HS6ST3: variants seen among roughly 807,000 people sequenced by gnomAD.
HS6ST3 encodes heparan sulfate 6-O-sulfotransferase 3.
Under a neutral mutation model 36.7 loss-of-function variants are expected in HS6ST3, and 12 were observed. The ratio of observed to expected loss-of-function variants is 0.33; its 90% confidence interval spans 0.21 to 0.53. The LOEUF (loss-of-function observed/expected upper bound fraction) is 0.53. Ranked by LOEUF, HS6ST3 falls within the 20% of genes least tolerant of loss-of-function variation. The pLI is 0.95. For synonymous variants in HS6ST3, 240 were observed against 257.5 expected (o/e 0.93, Z 0.65); for missense variants, 584 against 640.9 (o/e 0.91, Z 0.96).
In HS6ST3 at chr13:96,254,448, AATATATATATAT is replaced by A. The variant is rs869064004; in HGVS notation, c.707+162919_707+162930del. Among the ~76,000 whole-genome samples, 81 of 16,512 alleles carry A rather than the reference AATATATATATAT, an allele frequency of 4.9e-3. 2 individuals are homozygous for A. The highest frequency in any genetic ancestry group is 0.012 in the African/African-American group (56 of 4,610). The allele number at this position is 16,512 out of a possible 152,430, so 10.8% of individuals were successfully genotyped here. ...AAAAAAAAAAAAAAAAAAAAAAAAA[AATATATATATAT>A]ATATATATATATATATATATATATA... On this transcript the variant is annotated intron_variant, in intron 1 of 1. Coordinates refer to ENST00000376705, the MANE Select transcript of HS6ST3 (RefSeq NM_153456.4).
intron 1 of HS6ST3, among the ~76,000 whole-genome samples, chr13:96,779,780 A>AC (rs1232206329): frequency 2.6e-5 from 4 of 151,740 alleles, no homozygotes; most frequent in Non-Finnish European, 5.9e-5. Flanking sequence ...AAAAAAAAAA[A>AC]AAAAAACATT....
intron 1 of HS6ST3, among the ~76,000 whole-genome samples, chr13:96,514,501 G>A (rs943807685): frequency 1.3e-5 from 2 of 152,148 alleles, no homozygotes; most frequent in Admixed American, 1.3e-4. Context: ...CTTTTAGGAC[G>A]TAATTAAGGT....
At chr13:96,139,548 A>C (rs1418095260) in intron 1 of HS6ST3, among the ~76,000 whole-genome samples, 5 of 149,250 alleles carry the variant, frequency 3.4e-5, no homozygotes, top group African/African-American at 1.2e-4. Context: ...TCAGAAAAAA[A>C]AAAAAAAAAA....
chr13:96,484,126 G>A (rs180943984), intron 1 of HS6ST3, among the ~76,000 whole-genome samples: 121 of 129,502 alleles, frequency 9.3e-4, no homozygotes, highest in Non-Finnish European at 1.6e-3. Flanking sequence ...CAGTACTACA[G>A]TCTTGATTAC....
At chr13:96,456,101 T>G (rs549107839) in intron 1 of HS6ST3, among the ~76,000 whole-genome samples, 1 of 152,318 alleles carries the variant, frequency 6.6e-6, no homozygotes, top group East Asian at 1.9e-4. Flanking sequence ...ACTCAGCTCT[T>G]CCAGGTAAAC....
chr13:96,698,721 A>G (rs1182682525), intron 1 of HS6ST3, among the ~76,000 whole-genome samples: 3 of 152,198 alleles, frequency 2.0e-5, no homozygotes, highest in Non-Finnish European at 4.4e-5. Context: ...CCATCAAGCT[A>G]CCAACAACTT....
intron 1 of HS6ST3, among the ~76,000 whole-genome samples, chr13:96,654,366 A>G (rs1430010914): frequency 6.6e-6 from 1 of 152,168 alleles, no homozygotes; most frequent in African/African-American, 2.4e-5. Flanking sequence ...TCTTTAATCC[A>G]TCTTGAGTTA....
At position 96,275,932 on chromosome 13, in the gene HS6ST3, C is replaced by A. The variant is rs2054746302; in HGVS notation, c.707+184363C>A. Among the ~76,000 whole-genome samples the A allele has an allele frequency of 2.0e-5, 3 of 151,092 alleles. 1 individual carries two copies. In the South Asian group the frequency reaches 6.3e-4, roughly 31 times the overall value. ...ATAAAATTCTGTGTGCAAAGCCTCTCCATGCCTGTTAAGCACAGCCTGGGT... is the reference window on the plus strand; with the variant it reads ...ATAAAATTCTGTGTGCAAAGCCTCTACATGCCTGTTAAGCACAGCCTGGGT... On this transcript the variant is annotated intron_variant, in intron 1 of 1. Coordinates refer to ENST00000376705, the MANE Select transcript of HS6ST3 (RefSeq NM_153456.4).
intron 1 of HS6ST3, among the ~76,000 whole-genome samples, chr13:96,104,459 C>G (rs565128942): frequency 6.6e-6 from 1 of 152,264 alleles, no homozygotes; most frequent in East Asian, 1.9e-4. Context: ...GATTTTCACG[C>G]TTTGACATTT....
intron 1 of HS6ST3, among the ~76,000 whole-genome samples, chr13:96,558,684 C>T (rs966072307): frequency 2.0e-5 from 3 of 152,062 alleles, no homozygotes; most frequent in Non-Finnish European, 4.4e-5. Flanking sequence ...AATTTAGGGT[C>T]TGTTATCTCA....
At chr13:96,281,069 C>T (rs1385424493) in intron 1 of HS6ST3, among the ~76,000 whole-genome samples, 2 of 152,072 alleles carry the variant, frequency 1.3e-5, no homozygotes, top group Non-Finnish European at 2.9e-5. Context: ...TGCAGTGGCA[C>T]AATCTCGGCT....
At chr13:96,535,608 A>C (rs1594801844) in intron 1 of HS6ST3, among the ~76,000 whole-genome samples, 1 of 151,668 alleles carries the variant, frequency 6.6e-6, no homozygotes, top group East Asian at 1.9e-4. Context: ...GTAGGGTTTG[A>C]ACTTGTGGCT....
intron 1 of HS6ST3, among the ~76,000 whole-genome samples, chr13:96,098,884 A>T (rs187394093): frequency 1.3e-5 from 2 of 152,212 alleles, no homozygotes; most frequent in African/African-American, 4.8e-5. Context: ...TGAGGAAATC[A>T]TAAAAGAGTT....
chr13:96,382,668 G>T (rs997540906), intron 1 of HS6ST3, among the ~76,000 whole-genome samples: 1 of 152,008 alleles, frequency 6.6e-6, no homozygotes, highest in Non-Finnish European at 1.5e-5. Flanking sequence ...AAGCCCAAGG[G>T]GTGTGCACTT....
chr13:96,090,795 G>C lies in HS6ST3; in HGVS notation c.-68G>C. Reference sequence around the variant, plus strand: ...GCGCCCCGGAGTCCGCGAAACTTCCGAGCGGGCGCCCGTCCGCCCTGCCGC... The same window carrying C: ...GCGCCCCGGAGTCCGCGAAACTTCCCAGCGGGCGCCCGTCCGCCCTGCCGC... On this transcript the variant is annotated 5_prime_UTR_variant, in exon 1 of 2. Transcript: ENST00000376705. 1.5e-6 allele frequency: 2 copies of C among 1,332,506 alleles called. No homozygotes were observed. Among genetic ancestry groups the C allele is most frequent in the African/African-American group, 1.5e-5 (1 of 64,976 alleles). The allele number at this position is 1,332,506 out of a possible 1,614,324, so 82.5% of individuals were successfully genotyped here.
In HS6ST3 at chr13:96,614,134, TA is replaced by T. The variant is rs555814879; in HGVS notation, c.708-218351del. Among the ~76,000 whole-genome samples, 1,009 of 151,276 alleles carry T rather than the reference TA, an allele frequency of 6.7e-3. 15 individuals carry two copies. Among genetic ancestry groups the T allele is most frequent in the African/African-American group, 0.023 (969 of 41,244 alleles). On this transcript the variant is annotated intron_variant, in intron 1 of 1. Coordinates refer to ENST00000376705, the MANE Select transcript of HS6ST3 (RefSeq NM_153456.4). ...TAACATGGTGAAACCCCGTCTCTAC[TA>T]AAAATACAAAAAATTAGCCGGGAGT...
chr13:96,279,346 G>A lies in HS6ST3; in HGVS notation c.707+187777G>A, dbSNP rs543855181. On this transcript the variant is annotated intron_variant, in intron 1 of 1. Coordinates refer to ENST00000376705, the MANE Select transcript of HS6ST3 (RefSeq NM_153456.4). Reference sequence around the variant, plus strand: ...TATATTTATTGAACACATACTATACGCTGGGTACGGTGTATATTTTGGTAA... The same window carrying A: ...TATATTTATTGAACACATACTATACACTGGGTACGGTGTATATTTTGGTAA... 3.3e-5 allele frequency among the ~76,000 whole-genome samples: 5 copies of A among 152,102 alleles called. No individual in the cohort carries two copies. In the South Asian group the frequency reaches 6.2e-4, roughly 19 times the overall value.
At chr13:96,185,391 A>C (rs1461111088) in intron 1 of HS6ST3, among the ~76,000 whole-genome samples, 3 of 152,208 alleles carry the variant, frequency 2.0e-5, no homozygotes, top group African/African-American at 7.2e-5. Flanking sequence ...AGGTATGACT[A>C]TCTGCCCTTT....
At chr13:96,397,283 G>A (rs560234643) in intron 1 of HS6ST3, among the ~76,000 whole-genome samples, 73 of 152,190 alleles carry the variant, frequency 4.8e-4, no homozygotes, top group African/African-American at 1.5e-3. Flanking sequence ...CTTTTAAAGC[G>A]TGTTGTAGAC....
Sources: gnomAD v4.1 joint callset for allele counts (sites outside exome capture counted in the v4.1 genomes callset) on GRCh38, gnomAD v4.1.1 for gene constraint, MANE v1.5 for transcripts, NCBI Gene and HGNC (gene_info 2026-07-23, HGNC 2026-07-21) for gene names.